The following RAD51B variants were observed in gnomAD, a reference collection of about 807,000 sequenced individuals.
RAD51B encodes the protein RAD51 paralog B, also known as DNA repair protein RAD51 homolog 2.
In RAD51B, 38 loss-of-function variants were observed where a neutral mutation model predicts 42.2. The ratio of observed to expected loss-of-function variants is 0.90; its 90% confidence interval spans 0.70 to 1.18. The LOEUF (loss-of-function observed/expected upper bound fraction) is 1.18. Ranked by LOEUF, RAD51B falls within the 50% of genes most tolerant of loss-of-function variation. The pLI is 0.00. For missense variants in RAD51B, 373 were observed against 400.7 expected, an observed-to-expected ratio of 0.93 and a Z score of 0.59; for synonymous variants, 154 against 145.2, an observed-to-expected ratio of 1.06 and a Z score of -0.43.
intron 7 of RAD51B, among the ~76,000 whole-genome samples, chr14:68,000,945 GA>G (rs1432441664): frequency 6.6e-6 from 1 of 152,064 alleles, no homozygotes; most frequent in African/African-American, 2.4e-5. Flanking sequence ...ATAAATTGGG[GA>G]GAATTTATGT....
At chr14:68,595,676 C>A (rs2140086077) in exon 11 of RAD51B, 10 of 969,166 alleles carry the variant, frequency 1.0e-5, no homozygotes, top group Non-Finnish European at 1.3e-5. Flanking sequence ...AATGTTCGAC[C>A]ATATGGTATT....
At chr14:67,885,833 G>T in intron 5 of RAD51B, 36 bp from the exon 6 acceptor site, 3 of 1,565,094 alleles carry the variant, frequency 1.9e-6, no homozygotes, top group South Asian at 2.3e-5. Flanking sequence ...AAGTAGAATT[G>T]ACTGTTTTCG....
chr14:68,327,379 G>T (rs28585636), intron 8 of RAD51B, among the ~76,000 whole-genome samples: 20,713 of 52,478 alleles, frequency 0.39, 2,126 homozygotes, highest in African/African-American at 0.45. Flanking sequence ...GTTTTTTTTT[G>T]TTGTTTTTTT....
At chr14:68,135,027 C>G (rs1194444838) in intron 7 of RAD51B, among the ~76,000 whole-genome samples, 1 of 152,056 alleles carries the variant, frequency 6.6e-6, no homozygotes, top group Non-Finnish European at 1.5e-5. Flanking sequence ...TTTAAATTGC[C>G]AAATTACCTG....
chr14:68,138,393 G>T (rs1462009619), intron 7 of RAD51B, among the ~76,000 whole-genome samples: 1 of 152,066 alleles, frequency 6.6e-6, no homozygotes, highest in South Asian at 2.1e-4. Flanking sequence ...AACAGCAAAG[G>T]CTCCTAGCAA....
chr14:68,053,798 A>C (rs916153650), intron 7 of RAD51B, among the ~76,000 whole-genome samples: 3 of 152,148 alleles, frequency 2.0e-5, no homozygotes, highest in Non-Finnish European at 4.4e-5. Context: ...TCCTCACGTT[A>C]CTTGAAATTC....
At chr14:68,048,632 G>GAAAT (rs2076341374) in intron 7 of RAD51B, among the ~76,000 whole-genome samples, 1 of 152,206 alleles carries the variant, frequency 6.6e-6, no homozygotes, top group African/African-American at 2.4e-5. Flanking sequence ...GGCAATCAGA[G>GAAAT]AAATGCAAAT....
intron 11 of RAD51B, among the ~76,000 whole-genome samples, chr14:68,655,430 CTTCT>C (rs926267244): frequency 3.3e-5 from 5 of 152,194 alleles, no homozygotes; most frequent in East Asian, 3.9e-4. Flanking sequence ...AAGCGAGCTA[CTTCT>C]TTCTTTCTTC....
intron 3 of RAD51B, among the ~76,000 whole-genome samples, chr14:67,828,616 T>A (rs534970223): frequency 6.6e-6 from 1 of 152,294 alleles, no homozygotes; most frequent in South Asian, 2.1e-4. Context: ...TTTCCTATAG[T>A]TTTGGATTTT....
In RAD51B at chr14:68,066,856, G is replaced by A. The variant is rs564851272; in HGVS notation, c.756+179652G>A. The stretch of plus-strand genomic sequence containing the variant: ...TTAATTAAAGGAAAAGAATTTAAAA[G>A]CAGGCTGATACTCGAGCATTTTGAG... On this transcript the variant is annotated intron_variant, in intron 7 of 10. Transcript: ENST00000471583. Among the ~76,000 whole-genome samples, 7 of 152,242 alleles carry A rather than the reference G, an allele frequency of 4.6e-5. No individual in the cohort carries two copies. In the East Asian group the frequency reaches 1.3e-3, roughly 29 times the overall value.
chr14:68,604,610 C>G (rs1055940656), intron 10 of RAD51B, among the ~76,000 whole-genome samples: 4 of 152,184 alleles, frequency 2.6e-5, no homozygotes, highest in African/African-American at 9.7e-5. Context: ...CAGCTGTGAC[C>G]GCAGAAAATG....
intron 10 of RAD51B, among the ~76,000 whole-genome samples, chr14:68,586,987 C>T (rs1475998712): frequency 1.3e-5 from 2 of 151,898 alleles, no homozygotes; most frequent in African/African-American, 4.8e-5. Context: ...CGAGATCGCG[C>T]CATTGTACTC....
intron 4 of RAD51B, among the ~76,000 whole-genome samples, chr14:67,860,158 G>T (rs2042119402): frequency 2.6e-5 from 4 of 152,102 alleles, no homozygotes; most frequent in African/African-American, 9.7e-5. Flanking sequence ...ACTTTGAGAA[G>T]TTGCATAGAA....
chr14:67,917,045 C>T lies in RAD51B; in HGVS notation c.756+29841C>T, dbSNP rs115049168. ...GTTGGCATCGTTGAGCCAGTGACAT[C>T]TGAGCAAAGACTTGAATGCAGTTTT... On this transcript the variant is annotated intron_variant, in intron 7 of 10. Coordinates refer to ENST00000471583, the MANE Select transcript of RAD51B (RefSeq NM_133510.4). Among the ~76,000 whole-genome samples the T allele has an allele frequency of 8.9e-3, 1,348 of 152,300 alleles. 21 individuals are homozygous for T. Among genetic ancestry groups the T allele is most frequent in the African/African-American group, 0.031 (1,269 of 41,564 alleles).
At chr14:67,964,989 C>T (rs1056057740) in intron 7 of RAD51B, among the ~76,000 whole-genome samples, 6 of 152,200 alleles carry the variant, frequency 3.9e-5, no homozygotes, top group East Asian at 1.9e-4. Flanking sequence ...TCCTGGCACA[C>T]GTTAGCATTA....
chr14:68,446,103 C>T (rs570425594), intron 9 of RAD51B, among the ~76,000 whole-genome samples: 7 of 152,290 alleles, frequency 4.6e-5, no homozygotes, highest in Admixed American at 6.5e-5. Context: ...ATAACATTAT[C>T]GGCTGCCATT....
At chr14:68,307,515 C>T (rs10134671) in intron 8 of RAD51B, among the ~76,000 whole-genome samples, 2,754 of 152,236 alleles carry the variant, frequency 0.018, 79 homozygotes, top group African/African-American at 0.059. Context: ...CAAAGCTGTG[C>T]GGCCTTTGAG....
At chr14:67,880,431 G>T (rs1021315189) in intron 5 of RAD51B, among the ~76,000 whole-genome samples, 2 of 152,128 alleles carry the variant, frequency 1.3e-5, no homozygotes, top group African/African-American at 4.8e-5. Flanking sequence ...TTTTCCTTGA[G>T]ACAATGGTTG....
At chr14:68,425,847 CAGA>C (rs2084817823) in intron 9 of RAD51B, among the ~76,000 whole-genome samples, 1 of 152,010 alleles carries the variant, frequency 6.6e-6, no homozygotes, top group Non-Finnish European at 1.5e-5. Context: ...CTGGAGGACT[CAGA>C]AGAAGAGAAT....
Sources: allele counts gnomAD v4.1 joint callset (sites outside exome capture counted in the v4.1 genomes callset), GRCh38; gene constraint gnomAD v4.1.1; transcripts MANE v1.5; gene names NCBI Gene and HGNC (gene_info 2026-07-23, HGNC 2026-07-21).